THSD7B: variants seen among roughly 807,000 people sequenced by gnomAD.
The protein encoded by THSD7B is thrombospondin type 1 domain containing 7B.
In THSD7B, 138 loss-of-function variants were observed where a neutral mutation model predicts 213.6. The observed-to-expected ratio is 0.65, with a 90% CI of 0.56 to 0.74. THSD7B has a LOEUF of 0.74. Ranked by LOEUF, THSD7B falls within the 30% of genes least tolerant of loss-of-function variation. THSD7B has a pLI of 0.00. For synonymous variants in THSD7B, 742 were observed against 687.0 expected, an observed-to-expected ratio of 1.08 and a Z score of -1.25; for missense variants, 1,931 against 1,991.5, an observed-to-expected ratio of 0.97 and a Z score of 0.58.
intron 2 of THSD7B, among the ~76,000 whole-genome samples, chr2:136,974,517 A>G (rs543655): frequency 0.49 from 73,810 of 151,966 alleles, 19,252 homozygotes; most frequent in Non-Finnish European, 0.59. Flanking sequence ...TGTCCCTACA[A>G]AGGACATGAT....
chr2:136,891,062 TC>T (rs1683846670), intron 2 of THSD7B, among the ~76,000 whole-genome samples: 1 of 152,082 alleles, frequency 6.6e-6, no homozygotes. Context: ...ATTTCTACAA[TC>T]CCTTTTTTTA....
Position 136,794,010 on chromosome 2 carries a change from G to T in THSD7B, c.-36+28323G>T, listed in dbSNP as rs546685633. ...TGTATCCCTTTCATCTAGTTTGACAGATTTATTGCTATAAATTTGTTCATA... is the reference window on the plus strand; with the variant it reads ...TGTATCCCTTTCATCTAGTTTGACATATTTATTGCTATAAATTTGTTCATA... On this transcript the variant is annotated intron_variant, in intron 1 of 27. Transcript: ENST00000409968. Among the ~76,000 whole-genome samples the T allele has an allele frequency of 8.6e-5, 13 of 151,380 alleles. 1 individual carries two copies. The South Asian group carries it at 2.7e-3, about 32-fold the overall frequency.
At chr2:137,481,309 A>G (rs530634390) in intron 15 of THSD7B, among the ~76,000 whole-genome samples, 1 of 152,376 alleles carries the variant, frequency 6.6e-6, no homozygotes, top group South Asian at 2.1e-4. Context: ...TCTTTATAAC[A>G]TGACTTTTGC....
At chr2:137,241,995 G>A (rs1193849536) in intron 9 of THSD7B, among the ~76,000 whole-genome samples, 1 of 151,366 alleles carries the variant, frequency 6.6e-6, no homozygotes, top group Non-Finnish European at 1.5e-5. Context: ...AAGATTCCTA[G>A]TATTTTTAAG....
chr2:137,199,888 G>T (rs896138702), intron 7 of THSD7B, among the ~76,000 whole-genome samples: 2 of 152,076 alleles, frequency 1.3e-5, no homozygotes, highest in African/African-American at 4.8e-5. Context: ...GTTTCCAAAG[G>T]CCAGGTGGCT....
At chr2:137,620,254 G>C (rs1425969101) in intron 19 of THSD7B, among the ~76,000 whole-genome samples, 2 of 151,880 alleles carry the variant, frequency 1.3e-5, no homozygotes, top group African/African-American at 4.8e-5. Context: ...ATGTACTTTT[G>C]GCCTATTCAG....
intron 15 of THSD7B, among the ~76,000 whole-genome samples, chr2:137,484,379 C>A (rs1688380229): frequency 7.2e-6 from 1 of 138,070 alleles, no homozygotes; most frequent in Non-Finnish European, 1.5e-5. Flanking sequence ...CATAGTATTC[C>A]ATGGTGTATA....
chr2:136,892,223 C>T (rs1299606896), intron 2 of THSD7B, among the ~76,000 whole-genome samples: 1 of 152,078 alleles, frequency 6.6e-6, no homozygotes, highest in Admixed American at 6.6e-5. Context: ...ACAATTAAGT[C>T]TCCAAGGAGA....
At chr2:137,496,698 G>A (rs1432083570) in intron 15 of THSD7B, among the ~76,000 whole-genome samples, 1 of 152,148 alleles carries the variant, frequency 6.6e-6, no homozygotes, top group Non-Finnish European at 1.5e-5. Context: ...CTTGTAATTG[G>A]AAGGATTCTA....
intron 2 of THSD7B, among the ~76,000 whole-genome samples, chr2:136,898,633 T>C (rs1304789431): frequency 8.7e-6 from 1 of 115,118 alleles, no homozygotes; most frequent in East Asian, 2.9e-4. Flanking sequence ...GATATAACAG[T>C]GGGGAACTGA....
At chr2:137,283,911 C>T (rs1035590190) in intron 12 of THSD7B, among the ~76,000 whole-genome samples, 13 of 152,148 alleles carry the variant, frequency 8.5e-5, no homozygotes, top group African/African-American at 1.2e-4. Flanking sequence ...ATGCTGGCCT[C>T]ATAAAATGAG....
chr2:136,884,565 A>G (rs994034254), intron 2 of THSD7B, among the ~76,000 whole-genome samples: 1 of 152,196 alleles, frequency 6.6e-6, no homozygotes, highest in African/African-American at 2.4e-5. Context: ...CATCTTGAGC[A>G]GGAAGCAGGA....
In THSD7B at chr2:137,572,541, G is replaced by A; in HGVS notation, c.3408G>A (p.Trp1136Ter). 1 of 1,613,746 alleles carries A rather than the reference G, an allele frequency of 6.2e-7. No individual in the cohort carries two copies. Among genetic ancestry groups the A allele is most frequent in the Non-Finnish European group, 8.5e-7 (1 of 1,179,756 alleles). Residue 1136 changes from tryptophan to a stop codon, truncating the protein, a stop_gained, in exon 17 of 28, where the codon TGG becomes TGA. Coordinates refer to ENST00000409968, the MANE Select transcript of THSD7B (RefSeq NM_001316349.2). LOFTEE classifies it high-confidence loss of function. ...NECVMSEWGL[W>*]SKCPQSCDPH... ...GTGTCATGTCTGAGTGGGGACTTTG[G>A]AGCAAATGCCCACAGGTAATTTCTC...
intron 2 of THSD7B, among the ~76,000 whole-genome samples, chr2:137,017,749 T>C (rs1019127300): frequency 2.0e-5 from 3 of 152,212 alleles, no homozygotes; most frequent in South Asian, 2.1e-4. Flanking sequence ...TTCTGTAAGA[T>C]GCTTTGTGGC....
At chr2:137,376,081 G>T (rs187471614) in intron 12 of THSD7B, among the ~76,000 whole-genome samples, 1 of 152,218 alleles carries the variant, frequency 6.6e-6, no homozygotes, top group Non-Finnish European at 1.5e-5. Flanking sequence ...CTATAGCAAT[G>T]AGATAATTAA....
chr2:136,906,936 G>GTTTTTTTTTT lies in THSD7B; in HGVS notation c.139+24639_139+24648dup, dbSNP rs57887270. 3.3e-4 allele frequency among the ~76,000 whole-genome samples: 18 copies of GTTTTTTTTTT among 55,128 alleles called. 2 individuals carry two copies. Among genetic ancestry groups the GTTTTTTTTTT allele is most frequent in the African/African-American group, 9.8e-4 (11 of 11,282 alleles). The allele number at this position is 55,128 out of a possible 152,430, so 36.2% of individuals were successfully genotyped here. A position where few individuals can be genotyped will look rare whatever the true frequency, so the allele number is the denominator to read the frequency against. On this transcript the variant is annotated intron_variant, in intron 2 of 27. Transcript: ENST00000409968. ...ATTCATAGATTCCTTACATTTCAAG[G>GTTTTTTTTTT]TTTTTTTTTTTTTTTTTTTTTTTTT... is the stretch of plus-strand genomic sequence containing the variant.
chr2:136,816,114 A>G (rs1241878858), intron 1 of THSD7B, among the ~76,000 whole-genome samples: 4 of 152,176 alleles, frequency 2.6e-5, no homozygotes, highest in Non-Finnish European at 5.9e-5. Context: ...CAAACTCCTG[A>G]GCTCAGACAA....
At chr2:137,590,649 G>A (rs1681842978) in intron 17 of THSD7B, among the ~76,000 whole-genome samples, 2 of 151,898 alleles carry the variant, frequency 1.3e-5, no homozygotes, top group African/African-American at 4.8e-5. Context: ...AAGTAGCACA[G>A]GTTTTTTAGT....
At chr2:137,655,441 G>A (rs1204146203) in intron 21 of THSD7B, 60 bp from the exon 22 acceptor site, 1 of 1,523,776 alleles carries the variant, frequency 6.6e-7, no homozygotes, top group Non-Finnish European at 8.9e-7. Context: ...GGTGGCAAGA[G>A]CCAAAACTTT....
Sources: allele counts gnomAD v4.1 joint callset (sites outside exome capture counted in the v4.1 genomes callset), GRCh38; gene constraint gnomAD v4.1.1; transcripts MANE v1.5; gene names NCBI Gene and HGNC (gene_info 2026-07-23, HGNC 2026-07-21).